The following EPHA7 variants were observed in gnomAD, a reference collection of about 807,000 sequenced individuals.
EPHA7 encodes ephrin type-A receptor 7.
Under a neutral mutation model 112.6 loss-of-function variants are expected in EPHA7, and 25 were observed. The observed-to-expected ratio is 0.22, with a 90% CI of 0.16 to 0.31. The LOEUF is 0.31. Ranked by LOEUF, EPHA7 falls within the 10% of genes least tolerant of loss-of-function variation. The probability of loss-of-function intolerance (pLI) is 1.00; values close to 1 mark genes in which losing one functional copy is unlikely to be tolerated. For synonymous variants in EPHA7, 437 were observed against 406.5 expected (o/e 1.07, Z -0.90); for missense variants, 962 against 1,212.6 (o/e 0.79, Z 3.07).
At chr6:93,350,203 CA>C (rs1312586708) in intron 5 of EPHA7, among the ~76,000 whole-genome samples, 2 of 151,962 alleles carry the variant, frequency 1.3e-5, no homozygotes, top group Non-Finnish European at 2.9e-5. Flanking sequence ...TGCTATCCCA[CA>C]AAGATTACAT....
chr6:93,351,874 G>A (rs548611795), intron 5 of EPHA7, among the ~76,000 whole-genome samples: 1 of 152,086 alleles, frequency 6.6e-6, no homozygotes, highest in South Asian at 2.1e-4. Flanking sequence ...AAATGTACCT[G>A]GAATTAAGCT....
intron 5 of EPHA7, among the ~76,000 whole-genome samples, chr6:93,316,285 A>G (rs1228205483): frequency 6.6e-6 from 1 of 151,866 alleles, no homozygotes; most frequent in Non-Finnish European, 1.5e-5. Flanking sequence ...TTGCAATAAC[A>G]CCCCCTTTCT....
rs189697156 is a variant in EPHA7 at position 93,246,720 on chromosome 6, G to A, written c.2726+72C>T. ...AAAAGTCAATTTGCCATTGTGGTGG[G>A]GTGGAGGAGATAAATGGTTTATGTT... On this transcript the variant is annotated intron_variant, in intron 15 of 16. Coordinates refer to ENST00000369303, the MANE Select transcript of EPHA7 (RefSeq NM_004440.4). The A allele has an allele frequency of 1.0e-3, 1,292 of 1,285,070 alleles. 7 individuals are homozygous for A. The African/African-American group carries it at 0.017, about 17-fold the overall frequency. The allele number at this position is 1,285,070 out of a possible 1,614,324, so 79.6% of individuals were successfully genotyped here. A position where few individuals can be genotyped will look rare whatever the true frequency, so the allele number is the denominator to read the frequency against.
At chr6:93,370,349 A>G (rs1323905096) in intron 3 of EPHA7, among the ~76,000 whole-genome samples, 1 of 152,190 alleles carries the variant, frequency 6.6e-6, no homozygotes, top group Non-Finnish European at 1.5e-5. Flanking sequence ...AACCCAAAAA[A>G]GTAATATTCT....
At chr6:93,332,179 G>A (rs1484345459) in intron 5 of EPHA7, among the ~76,000 whole-genome samples, 1 of 151,558 alleles carries the variant, frequency 6.6e-6, no homozygotes, top group East Asian at 1.9e-4. Context: ...TCAGCATCAT[G>A]GCTAAGATTA....
Position 93,242,393 on chromosome 6 carries a change from A to C in EPHA7, c.*1033T>G, listed in dbSNP as rs1264013476. The C allele has an allele frequency of 1.0e-5, 2 of 195,584 alleles. No homozygotes were observed. Among genetic ancestry groups the C allele is most frequent in the Non-Finnish European group, 2.1e-5 (2 of 93,810 alleles). The allele number at this position is 195,584 out of a possible 1,614,324, so 12.1% of individuals were successfully genotyped here. On this transcript the variant is annotated 3_prime_UTR_variant, in exon 17 of 17. Transcript: ENST00000369303. Reference sequence around the variant, plus strand: ...AACAATTATTTCCTTTCATGTTTGGACTGCATTCAACAGAAGAGGATATAA... The same window carrying C: ...AACAATTATTTCCTTTCATGTTTGGCCTGCATTCAACAGAAGAGGATATAA...
chr6:93,317,571 G>A (rs1303344383), intron 5 of EPHA7, among the ~76,000 whole-genome samples: 2 of 152,098 alleles, frequency 1.3e-5, no homozygotes, highest in Non-Finnish European at 2.9e-5. Context: ...TGAGGCCTTG[G>A]CATATAAAGA....
intron 6 of EPHA7, among the ~76,000 whole-genome samples, chr6:93,271,430 T>C (rs1771212679): frequency 1.3e-5 from 2 of 151,876 alleles, no homozygotes; most frequent in Admixed American, 6.6e-5. Context: ...ATGTGTATTA[T>C]AGCACTTCAG....
At chr6:93,258,007 C>T in intron 11 of EPHA7, 92 bp downstream of exon 11, 6 of 1,230,102 alleles carry the variant, frequency 4.9e-6, no homozygotes, top group Non-Finnish European at 6.9e-6. Context: ...GACTGTGCAA[C>T]ATATTTCATA....
At chr6:93,378,864 G>C in intron 3 of EPHA7, among the ~76,000 whole-genome samples, 1 of 152,080 alleles carries the variant, frequency 6.6e-6, no homozygotes, top group East Asian at 1.9e-4. Flanking sequence ...TCTGGATTCT[G>C]CTTCTAAACT....
At chr6:93,387,541 T>A (rs1415004918) in intron 3 of EPHA7, among the ~76,000 whole-genome samples, 1 of 152,128 alleles carries the variant, frequency 6.6e-6, no homozygotes, top group African/African-American at 2.4e-5. Context: ...CACTACCTGA[T>A]ACCAACTGAC....
At chr6:93,393,483 T>C (rs887790565) in intron 3 of EPHA7, among the ~76,000 whole-genome samples, 2 of 151,798 alleles carry the variant, frequency 1.3e-5, no homozygotes, top group Non-Finnish European at 2.9e-5. Context: ...TCCAGTGAGA[T>C]GATATCACTG....
chr6:93,359,835 T>C (rs1776150058), intron 3 of EPHA7, among the ~76,000 whole-genome samples: 1 of 147,970 alleles, frequency 6.8e-6, no homozygotes, highest in Non-Finnish European at 1.5e-5. Context: ...TGAATATAGA[T>C]CCATCGATCA....
At chr6:93,386,531 C>G (rs1049195629) in intron 3 of EPHA7, among the ~76,000 whole-genome samples, 4 of 152,140 alleles carry the variant, frequency 2.6e-5, no homozygotes, top group African/African-American at 9.7e-5. Flanking sequence ...TCCAGGTGCA[C>G]GTGTAAGCTG....
chr6:93,418,375 A>G (rs1187328411), intron 1 of EPHA7, among the ~76,000 whole-genome samples: 1 of 152,124 alleles, frequency 6.6e-6, no homozygotes, highest in African/African-American at 2.4e-5. Flanking sequence ...ACCAGAACCA[A>G]CCCTCAGGGT....
chr6:93,357,329 C>A (rs1452207553), intron 4 of EPHA7, among the ~76,000 whole-genome samples: 1 of 152,054 alleles, frequency 6.6e-6, no homozygotes, highest in Non-Finnish European at 1.5e-5. Context: ...GTACTTTTGC[C>A]ACAGTCTTTA....
chr6:93,315,678 T>C (rs966040979), intron 5 of EPHA7, among the ~76,000 whole-genome samples: 3 of 152,198 alleles, frequency 2.0e-5, no homozygotes, highest in African/African-American at 7.2e-5. Context: ...AAAGTGCTCA[T>C]CACTGAATTC....
chr6:93,245,068 A>G (rs911384868), intron 16 of EPHA7, among the ~76,000 whole-genome samples: 2 of 152,252 alleles, frequency 1.3e-5, no homozygotes, highest in Admixed American at 6.5e-5. Flanking sequence ...CAACATAGGT[A>G]TGAAACTATA....
chr6:93,347,641 GT>G (rs778004965), intron 5 of EPHA7, among the ~76,000 whole-genome samples: 2 of 151,848 alleles, frequency 1.3e-5, no homozygotes, highest in Non-Finnish European at 2.9e-5. Context: ...ATTGAAATTT[GT>G]TTTCTCACAG....
Sources: gnomAD v4.1 joint callset for allele counts (sites outside exome capture counted in the v4.1 genomes callset) on GRCh38, gnomAD v4.1.1 for gene constraint, MANE v1.5 for transcripts, NCBI Gene and HGNC (gene_info 2026-07-23, HGNC 2026-07-21) for gene names.